RHAG: variants seen among roughly 807,000 people sequenced by gnomAD.
The protein encoded by RHAG is Rh associated glycoprotein.
Under a neutral mutation model 42.4 loss-of-function variants are expected in RHAG, and 25 were observed. That is an observed-to-expected ratio of 0.59 (90% CI 0.43 to 0.82). The LOEUF (loss-of-function observed/expected upper bound fraction) is 0.82. RHAG is among the 40% of genes least tolerant of loss of function. The pLI is 0.00. For missense variants in RHAG, 483 were observed against 504.6 expected (o/e 0.96, Z 0.41); for synonymous variants, 182 against 177.7 (o/e 1.02, Z -0.19).
At chr6:49,616,139 A>G (rs954869257) in intron 3 of RHAG, among the ~76,000 whole-genome samples, 6 of 152,176 alleles carry the variant, frequency 3.9e-5, no homozygotes, top group Non-Finnish European at 8.8e-5. Context: ...CCTGGTGGGC[A>G]CACAAGACAT....
At chr6:49,606,432 GTCTT>G (rs1051480123) in intron 9 of RHAG, among the ~76,000 whole-genome samples, 5 of 151,842 alleles carry the variant, frequency 3.3e-5, no homozygotes, top group Admixed American at 2.6e-4. Flanking sequence ...CTGTCTTTCT[GTCTT>G]TCTGTCTGTC....
At chr6:49,614,937 C>CTTAT (rs889200065) in intron 4 of RHAG, 84 bp from the exon 5 acceptor site, 1 of 1,242,342 alleles carries the variant, frequency 8.0e-7, no homozygotes, top group African/African-American at 1.5e-5. Flanking sequence ...TATTTATTTA[C>CTTAT]TTATTTATTT....
rs116103782 is a variant in RHAG, at chr6:49,610,988, G to T, written c.1067+36C>A. 2,318 of 1,612,862 alleles carry T rather than the reference G, an allele frequency of 1.4e-3. 32 individuals carry two copies. In the African/African-American group the frequency reaches 0.027, roughly 19 times the overall value. On this transcript the variant is annotated intron_variant, in intron 7 of 9. Coordinates refer to ENST00000371175, the MANE Select transcript of RHAG (RefSeq NM_000324.3). ...CTCAGAGTGAGAGAAAACATCATGGGACCACAGGGGCTGAAAAACCCATTC... is the reference window on the plus strand; with the variant it reads ...CTCAGAGTGAGAGAAAACATCATGGTACCACAGGGGCTGAAAAACCCATTC...
At chr6:49,616,738 C>T (rs1274442690) in intron 3 of RHAG, among the ~76,000 whole-genome samples, 1 of 151,754 alleles carries the variant, frequency 6.6e-6, no homozygotes, top group Non-Finnish European at 1.5e-5. Flanking sequence ...GTTTACTAGA[C>T]ATAGACAGAC....
intron 3 of RHAG, among the ~76,000 whole-genome samples, chr6:49,617,439 G>C (rs941788464): frequency 6.6e-6 from 1 of 152,178 alleles, no homozygotes; most frequent in Non-Finnish European, 1.5e-5. Flanking sequence ...TCTCCCACTA[G>C]AGTGTAAGCT....
In RHAG at chr6:49,609,048, AAAAAC is replaced by A. The variant is rs780289771; in HGVS notation, c.1068-1833_1068-1829del. 7.4e-3 allele frequency among the ~76,000 whole-genome samples: 1,131 copies of A among 152,300 alleles called. 17 individuals carry two copies. The highest frequency in any genetic ancestry group is 0.026 in the African/African-American group (1,071 of 41,572). On this transcript the variant is annotated intron_variant, in intron 7 of 9. Transcript: ENST00000371175. ...CTAGAGTTATGCTGCTATAATTTGC[AAAAAC>A]ATCCCTTAAGAATATTAACTTTCCC... is the stretch of plus-strand genomic sequence containing the variant.
In RHAG at chr6:49,628,208, G is replaced by A. The variant is rs868116872; in HGVS notation, c.157+8448C>T. Among the ~76,000 whole-genome samples the A allele has an allele frequency of 3.3e-5, 5 of 151,962 alleles. No individual in the cohort carries two copies. In the South Asian group the frequency reaches 1.0e-3, roughly 32 times the overall value. On this transcript the variant is annotated intron_variant, in intron 1 of 9. Coordinates refer to ENST00000371175, the MANE Select transcript of RHAG (RefSeq NM_000324.3). ...GTCTTGCTCTGTTGCCCAGGCTGGA[G>A]TGCAGTGGCATGAACATAACTCACT...
Position 49,636,730 on chromosome 6 carries a change from G to C in RHAG, c.83C>G (p.Thr28Arg), listed in dbSNP as rs114042395. Residue 28 changes from threonine (T) to arginine (R), a missense_variant, in exon 1 of 10, where the codon ACG (threonine) becomes AGG (arginine). Transcript: ENST00000371175. ...GAGCTGCTCGAGAACAGTCTGGTCC[G>C]TTTCATACTCAACAAATAATCCAAA... ...VLFGLFVEYE[T>R]DQTVLEQLNI... is the part of the protein sequence containing the mutation. 3 of 1,613,890 alleles carry C rather than the reference G, an allele frequency of 1.9e-6. No homozygotes were observed. The highest frequency in any genetic ancestry group is 2.5e-6 in the Non-Finnish European group (3 of 1,179,842).
rs148099279 is a variant in RHAG, at chr6:49,611,379, TG to T, written c.946-235del. On this transcript the variant is annotated intron_variant, in intron 6 of 9. Coordinates refer to ENST00000371175, the MANE Select transcript of RHAG (RefSeq NM_000324.3). ...CATCTTACATAGTTACTTTTATTGT[TG>T]TTTTTTTGTGTTAAGAGTAGCTAAA... 1.0e-3 allele frequency among the ~76,000 whole-genome samples: 156 copies of T among 152,338 alleles called. 1 individual carries two copies. Among genetic ancestry groups the T allele is most frequent in the Non-Finnish European group, 2.0e-3 (133 of 68,034 alleles).
chr6:49,614,606 T>C (rs1452348144), intron 5 of RHAG, 81 bp downstream of exon 5: 1 of 1,164,354 alleles, frequency 8.6e-7, no homozygotes, highest in African/African-American at 1.5e-5. Flanking sequence ...TCAGCAGTGA[T>C]GCAGAAATTA....
chr6:49,632,228 GTGAT>G (rs907219687), intron 1 of RHAG: 6 of 152,186 alleles, frequency 3.9e-5, no homozygotes, highest in African/African-American at 9.7e-5. Context: ...AAGCACTTCT[GTGAT>G]TGATTGAGTT....
At chr6:49,634,417 A>G (rs181830687) in intron 1 of RHAG, among the ~76,000 whole-genome samples, 2 of 152,288 alleles carry the variant, frequency 1.3e-5, no homozygotes, top group Non-Finnish European at 2.9e-5. Context: ...TCAAAAAACT[A>G]AAAATATAAC....
intron 2 of RHAG, 110 bp from the exon 3 acceptor site, chr6:49,618,328 A>G: frequency 9.1e-7 from 1 of 1,096,676 alleles, no homozygotes; most frequent in Non-Finnish European, 1.4e-6. Flanking sequence ...AGGCTTACTC[A>G]TCATCTCCCA....
rs144305805 is a variant in RHAG, at chr6:49,618,070, T to G, written c.490A>C (p.Lys164Gln). The G allele has an allele frequency of 1.5e-5, 24 of 1,613,758 alleles. No individual in the cohort carries two copies. The East Asian group carries it at 5.3e-4, about 36-fold the overall frequency. The stretch of plus-strand genomic sequence containing the variant: ...AGTATAAATTTTCTAACTCTTACCT[T>G]AAATATTTCACTAACCAGGTATTCA... ...HNEYLVSEIFKASDIGASMTI... is the reference protein window; with the variant it reads ...HNEYLVSEIFQASDIGASMTI... Residue 164 changes from lysine (K) to glutamine (Q), a missense_variant and splice_region_variant, in exon 3 of 10, where the codon AAG becomes CAG. Transcript: ENST00000371175.
At chr6:49,615,462 C>T (rs1460731484) in intron 4 of RHAG, among the ~76,000 whole-genome samples, 162 bp downstream of exon 4, 1 of 151,834 alleles carries the variant, frequency 6.6e-6, no homozygotes, top group African/African-American at 2.4e-5. Flanking sequence ...CTCCTGGGCT[C>T]AAGTAATCCC....
chr6:49,612,142 G>T (rs1482328902), intron 6 of RHAG, among the ~76,000 whole-genome samples: 1 of 152,056 alleles, frequency 6.6e-6, no homozygotes, highest in African/African-American at 2.4e-5. Context: ...GGAAAGTAAT[G>T]GCCATGTACT....
chr6:49,635,091 C>G (rs1289688787), intron 1 of RHAG, among the ~76,000 whole-genome samples: 1 of 150,574 alleles, frequency 6.6e-6, no homozygotes, highest in Non-Finnish European at 1.5e-5. Context: ...TAACTATCAT[C>G]ATTATGTTGC....
chr6:49,606,038 C>T (rs938606574), intron 9 of RHAG, among the ~76,000 whole-genome samples: 3 of 152,146 alleles, frequency 2.0e-5, no homozygotes, highest in African/African-American at 7.2e-5. Flanking sequence ...AACTCATTCT[C>T]TCTGAAATTT....
intron 7 of RHAG, among the ~76,000 whole-genome samples, 173 bp downstream of exon 7, chr6:49,610,851 C>T (rs1338998156): frequency 6.6e-6 from 1 of 152,082 alleles, no homozygotes; most frequent in African/African-American, 2.4e-5. Context: ...GTTAAAATGC[C>T]TCTTCCAATA....
Sources: gnomAD v4.1 joint callset for allele counts (sites outside exome capture counted in the v4.1 genomes callset) on GRCh38, gnomAD v4.1.1 for gene constraint, MANE v1.5 for transcripts, NCBI Gene and HGNC (gene_info 2026-07-23, HGNC 2026-07-21) for gene names.